The following CACNB4 variants were observed in gnomAD, a reference collection of about 807,000 sequenced individuals.
CACNB4 encodes calcium voltage-gated channel auxiliary subunit beta 4.
Under a neutral mutation model 71.2 loss-of-function variants are expected in CACNB4, and 32 were observed. That is an observed-to-expected ratio of 0.45 (90% CI 0.34 to 0.60). CACNB4 has a LOEUF of 0.60. Ranked by LOEUF, CACNB4 falls within the 20% of genes least tolerant of loss-of-function variation. CACNB4 has a pLI of 0.01. For missense variants in CACNB4, 464 were observed against 647.9 expected, an observed-to-expected ratio of 0.72 and a Z score of 3.08; for synonymous variants, 231 against 236.9, an observed-to-expected ratio of 0.97 and a Z score of 0.23.
intron 12 of CACNB4, among the ~76,000 whole-genome samples, chr2:151,844,407 C>T (rs1437139809): frequency 6.7e-6 from 1 of 150,072 alleles, no homozygotes; most frequent in African/African-American, 2.5e-5. Flanking sequence ...TGTAGAGGGA[C>T]GAAAATAAAA....
intron 2 of CACNB4, among the ~76,000 whole-genome samples, chr2:152,007,927 A>T (rs1682823972): frequency 6.6e-6 from 1 of 152,042 alleles, no homozygotes; most frequent in South Asian, 2.1e-4. Context: ...ACCTGCCACC[A>T]TGCCCAGCTA....
chr2:151,995,961 T>C (rs796620094), intron 2 of CACNB4, among the ~76,000 whole-genome samples: 67 of 152,282 alleles, frequency 4.4e-4, no homozygotes, highest in African/African-American at 1.5e-3. Flanking sequence ...CAGTTCAAAG[T>C]CTGCAAAGAG....
At chr2:151,881,145 T>C (rs2099847721) in intron 3 of CACNB4, among the ~76,000 whole-genome samples, 1 of 152,200 alleles carries the variant, frequency 6.6e-6, no homozygotes, top group Non-Finnish European at 1.5e-5. Context: ...TACTTTCCAA[T>C]ATTCCAAATT....
intron 2 of CACNB4, chr2:151,883,773 G>T: frequency 7.3e-6 from 2 of 274,488 alleles, no homozygotes; most frequent in Non-Finnish European, 1.4e-5. Flanking sequence ...ACCTGTATTT[G>T]GGCTATGGGT....
chr2:151,839,099 T>TATTC lies in CACNB4; in HGVS notation c.*19_*20insGAAT. 6.3e-7 allele frequency: 1 copy of TATTC among 1,598,206 alleles called. No individual in the cohort carries two copies. The highest frequency in any genetic ancestry group is 8.5e-7 in the Non-Finnish European group (1 of 1,169,740). ...CTATGGCAAATTGTCAACAGATGAA[T>TATTC]ATTTTTTGTTTCATTAGACTCAAAG... On this transcript the variant is annotated 3_prime_UTR_variant, in exon 14 of 14. Transcript: ENST00000539935.
At chr2:152,041,726 G>A (rs796626891) in intron 2 of CACNB4, among the ~76,000 whole-genome samples, 53 of 152,272 alleles carry the variant, frequency 3.5e-4, no homozygotes, top group Middle Eastern at 3.4e-3. Flanking sequence ...TTAAAAAAAC[G>A]GCTTTGGGTA....
At chr2:152,001,088 G>T (rs931315504) in intron 2 of CACNB4, among the ~76,000 whole-genome samples, 1 of 152,162 alleles carries the variant, frequency 6.6e-6, no homozygotes, top group Non-Finnish European at 1.5e-5. Flanking sequence ...GTACCATTAG[G>T]ATTTCCATTT....
chr2:151,887,749 GA>G (rs2099849723), intron 2 of CACNB4, among the ~76,000 whole-genome samples: 3 of 152,158 alleles, frequency 2.0e-5, no homozygotes, highest in Admixed American at 1.3e-4. Flanking sequence ...TCCTCCGTTA[GA>G]AAATGTAGAT....
chr2:151,973,675 C>T (rs981404804), intron 2 of CACNB4: 18 of 1,613,216 alleles, frequency 1.1e-5, no homozygotes, highest in Admixed American at 8.3e-5. Context: ...TTACAGCCTC[C>T]GAGTCTTCAA....
intron 2 of CACNB4, among the ~76,000 whole-genome samples, chr2:152,059,140 C>T (rs1464626356): frequency 1.3e-5 from 2 of 152,228 alleles, no homozygotes; most frequent in Non-Finnish European, 2.9e-5. Flanking sequence ...TCATGGAGAA[C>T]CTCTGCTAGG....
chr2:151,979,537 A>C (rs1299405136), intron 2 of CACNB4, among the ~76,000 whole-genome samples: 1 of 151,974 alleles, frequency 6.6e-6, no homozygotes, highest in Non-Finnish European at 1.5e-5. Context: ...ACCCAACTTT[A>C]CTTTCCACTA....
chr2:151,968,609 A>G (rs1441915013), intron 2 of CACNB4: 2 of 152,218 alleles, frequency 1.3e-5, no homozygotes, highest in African/African-American at 4.8e-5. Context: ...CCCCACAGAA[A>G]GAGAAGAGCT....
At chr2:152,012,255 C>T (rs1220952073) in intron 2 of CACNB4, among the ~76,000 whole-genome samples, 1 of 152,072 alleles carries the variant, frequency 6.6e-6, no homozygotes, top group African/African-American at 2.4e-5. Flanking sequence ...TGGAAGACAG[C>T]GAGACTGATG....
At chr2:151,844,179 T>C (rs62174452) in intron 12 of CACNB4, among the ~76,000 whole-genome samples, 4,089 of 152,332 alleles carry the variant, frequency 0.027, 50 homozygotes, top group Middle Eastern at 0.034. Context: ...AGACATCTTA[T>C]GCTCAAGAAG....
intron 2 of CACNB4, among the ~76,000 whole-genome samples, chr2:151,942,143 C>T (rs2151634618): frequency 6.7e-6 from 1 of 149,632 alleles, no homozygotes; most frequent in East Asian, 1.9e-4. Context: ...TGAACAATCA[C>T]AGGATGCCTA....
At chr2:152,059,042 T>C (rs1338366417) in intron 2 of CACNB4, among the ~76,000 whole-genome samples, 1 of 152,248 alleles carries the variant, frequency 6.6e-6, no homozygotes, top group African/African-American at 2.4e-5. Context: ...AGACAGGAAC[T>C]GAGGTTTGGA....
chr2:151,933,626 C>G (rs1475718704), intron 2 of CACNB4, among the ~76,000 whole-genome samples: 2 of 152,132 alleles, frequency 1.3e-5, no homozygotes, highest in Non-Finnish European at 2.9e-5. Flanking sequence ...AACCACCAGA[C>G]CCTACTACTT....
At chr2:151,874,005 T>A (rs886157997) in intron 5 of CACNB4, 2 of 152,286 alleles carry the variant, frequency 1.3e-5, no homozygotes, top group African/African-American at 4.8e-5. Context: ...CACCTCCCCG[T>A]CTCTTCCTCC....
At chr2:152,059,143 C>T (rs1685876528) in intron 2 of CACNB4, among the ~76,000 whole-genome samples, 1 of 152,240 alleles carries the variant, frequency 6.6e-6, no homozygotes, top group Non-Finnish European at 1.5e-5. Context: ...TGGAGAACCT[C>T]TGCTAGGACA....
Sources: allele counts gnomAD v4.1 joint callset (sites outside exome capture counted in the v4.1 genomes callset), GRCh38; gene constraint gnomAD v4.1.1; transcripts MANE v1.5; gene names NCBI Gene and HGNC (gene_info 2026-07-23, HGNC 2026-07-21).